The following OR4Q3 variants were observed in gnomAD, a reference collection of about 807,000 sequenced individuals.
OR4Q3 encodes the protein olfactory receptor family 4 subfamily Q member 3.
A neutral mutation model predicts 18.8 loss-of-function variants in OR4Q3; 17 were observed. The ratio of observed to expected loss-of-function variants is 0.91; its 90% confidence interval spans 0.62 to 1.36. The LOEUF is 1.36. Among genes scored for constraint, OR4Q3 ranks in the 40% most tolerant of loss-of-function variants. The pLI, the probability that OR4Q3 is intolerant of heterozygous loss-of-function variation, is 0.00. For missense variants in OR4Q3, 378 were observed against 373.4 expected, an observed-to-expected ratio of 1.01 and a Z score of -0.10; for synonymous variants, 158 against 145.8, an observed-to-expected ratio of 1.08 and a Z score of -0.60.
exon 2 of OR4Q3, chr14:19,747,686 C>T: frequency 1.2e-6 from 2 of 1,613,986 alleles, no homozygotes; most frequent in Non-Finnish European, 8.5e-7. Flanking sequence ...AGGGGATTTC[C>T]TACAGCAGGG....
chr14:19,748,700 T>C, exon 2 of OR4Q3: 6 of 265,784 alleles, frequency 2.3e-5, no homozygotes, highest in Non-Finnish European at 4.3e-5. Context: ...CTTTTTAATC[T>C]ATTCAAATGA....
At chr14:19,750,563 G>A, downstream of OR4Q3, among the ~76,000 whole-genome samples, 22 of 152,206 alleles carry the variant, frequency 1.4e-4, no homozygotes, top group Non-Finnish European at 1.0e-4. Flanking sequence ...TGAAAAAAAT[G>A]TCTGAAACTC....
chr14:19,745,749 G>A, intron 1 of OR4Q3, among the ~76,000 whole-genome samples: 1 of 152,194 alleles, frequency 6.6e-6, no homozygotes, highest in Non-Finnish European at 1.5e-5. Flanking sequence ...AAAAAGATTA[G>A]AGAATTTTCA....
chr14:19,750,871 T>G, downstream of OR4Q3, among the ~76,000 whole-genome samples: 3 of 152,222 alleles, frequency 2.0e-5, no homozygotes, highest in Non-Finnish European at 2.9e-5. Context: ...TTTCAGGGTT[T>G]TTTGCATACG....
chr14:19,744,723 T>C (rs1363207677), intron 1 of OR4Q3, among the ~76,000 whole-genome samples: 4 of 152,190 alleles, frequency 2.6e-5, no homozygotes, highest in African/African-American at 9.6e-5. Context: ...AGGTCTCATC[T>C]TACTGCTAAT....
At chr14:19,749,623 A>AAAAAAAAAAAAAAAAG, downstream of OR4Q3, among the ~76,000 whole-genome samples, 1 of 148,762 alleles carries the variant, frequency 6.7e-6, no homozygotes, top group African/African-American at 2.5e-5. Flanking sequence ...AAAAAAAAAA[A>AAAAAAAAAAAAAAAAG]AAAAAAAAAA....
chr14:19,745,930 G>A, intron 1 of OR4Q3, among the ~76,000 whole-genome samples: 3 of 152,164 alleles, frequency 2.0e-5, no homozygotes, highest in Admixed American at 2.0e-4. Context: ...ATAGGCAGAT[G>A]AAGAGGATGG....
At chr14:19,744,134 G>A (rs1001466316) in intron 1 of OR4Q3, among the ~76,000 whole-genome samples, 11 of 152,196 alleles carry the variant, frequency 7.2e-5, no homozygotes, top group African/African-American at 2.7e-4. Context: ...GTTTAGAGCA[G>A]AAAGATTGTT....
At chr14:19,750,829 G>T, downstream of OR4Q3, among the ~76,000 whole-genome samples, 1 of 152,214 alleles carries the variant, frequency 6.6e-6, no homozygotes, top group Admixed American at 6.6e-5. Flanking sequence ...GGAACATCAT[G>T]TTCTTCTCTT....
intron 1 of OR4Q3, among the ~76,000 whole-genome samples, chr14:19,745,221 T>A: frequency 6.6e-6 from 1 of 152,216 alleles, no homozygotes; most frequent in African/African-American, 2.4e-5. Context: ...AGTACTGAAA[T>A]TTCCTAATAT....
At position 19,748,346 on chromosome 14, in the gene OR4Q3, T is replaced by C; in HGVS notation, c.943T>C (p.Cys315Arg). 2 of 1,609,708 alleles carry C rather than the reference T, an allele frequency of 1.2e-6. No individual in the cohort carries two copies. The highest frequency in any genetic ancestry group is 8.5e-7 in the Non-Finnish European group (1 of 1,177,772). ...TATGAAGAAGCTGAGGATAAAACCA[T>C]GTGGCATTCCATTGCCTTGTTAAGG... Residue 315 changes from cysteine to arginine, a missense_variant, in exon 2 of 2, where the codon TGT becomes CGT. Coordinates refer to ENST00000642117, the Ensembl canonical transcript of OR4Q3.
At chr14:19,745,739 A>T in intron 1 of OR4Q3, among the ~76,000 whole-genome samples, 1 of 152,222 alleles carries the variant, frequency 6.6e-6, no homozygotes, top group East Asian at 1.9e-4. Context: ...GGTGCATCCA[A>T]AAAAGATTAG....
At chr14:19,745,309 T>C in intron 1 of OR4Q3, among the ~76,000 whole-genome samples, 2 of 152,222 alleles carry the variant, frequency 1.3e-5, no homozygotes, top group Admixed American at 1.3e-4. Flanking sequence ...AAATATATTT[T>C]ACATATTCTT....
exon 2 of OR4Q3, chr14:19,748,203 A>C: frequency 6.2e-7 from 1 of 1,614,056 alleles, no homozygotes; most frequent in Non-Finnish European, 8.5e-7. Flanking sequence ...GTATTCATCT[A>C]TTTGAGGCCT....
At chr14:19,750,310 G>A, downstream of OR4Q3, among the ~76,000 whole-genome samples, 1 of 152,158 alleles carries the variant, frequency 6.6e-6, no homozygotes, top group Non-Finnish European at 1.5e-5. Flanking sequence ...TATAATACCT[G>A]TATAGGAGCT....
chr14:19,748,102 C>T lies in OR4Q3; in HGVS notation c.699C>T (p.Thr233=). ...TCTCTTATGCTATCATCCTGATCACCCTGAGAACACACTTCTGCCAGGGCC... is the reference window on the plus strand; with the variant it reads ...TCTCTTATGCTATCATCCTGATCACTCTGAGAACACACTTCTGCCAGGGCC... Residue 233 remains threonine (T), a synonymous_variant, in exon 2 of 2, where the codon ACC becomes ACT. Transcript: ENST00000642117. 4.8e-4 allele frequency: 777 copies of T among 1,613,976 alleles called. No homozygotes were observed. In the African/African-American group the frequency reaches 9.3e-3, roughly 19 times the overall value.
At chr14:19,749,817 TTAGAG>T, downstream of OR4Q3, among the ~76,000 whole-genome samples, 2 of 150,332 alleles carry the variant, frequency 1.3e-5, no homozygotes, top group South Asian at 2.1e-4. Flanking sequence ...TCTCTATTTC[TTAGAG>T]TATTTATCCC....
At chr14:19,747,457 A>G in exon 2 of OR4Q3, 1 of 1,608,520 alleles carries the variant, frequency 6.2e-7, no homozygotes, top group Non-Finnish European at 8.5e-7. Context: ...CTAATGTGAC[A>G]GAATTTGTTC....
chr14:19,748,387 T>G, exon 2 of OR4Q3: 1 of 1,555,372 alleles, frequency 6.4e-7, no homozygotes, highest in Non-Finnish European at 8.7e-7. Context: ...GCAGAAGAGG[T>G]GATTTGAAAA....
Sources: allele counts gnomAD v4.1 joint callset (sites outside exome capture counted in the v4.1 genomes callset), GRCh38; gene constraint gnomAD v4.1.1; transcripts MANE v1.5; gene names NCBI Gene and HGNC (gene_info 2026-07-23, HGNC 2026-07-21).